Variants in EPB41L2 observed in about 807,000 individuals in gnomAD.
EPB41L2 encodes band 4.1-like protein 2.
EPB41L2 carries 43 observed loss-of-function variants against 113.0 expected under a neutral mutation model. The ratio of observed to expected loss-of-function variants is 0.38; its 90% CI spans 0.30 to 0.49. The LOEUF is 0.49. Ranked by LOEUF, EPB41L2 falls within the 20% of genes least tolerant of loss-of-function variation. The pLI, the probability that EPB41L2 is intolerant of heterozygous loss-of-function variation, is 0.95. For synonymous variants in EPB41L2, 442 were observed against 436.7 expected, an observed-to-expected ratio of 1.01 and a Z score of -0.15; for missense variants, 1,147 against 1,223.4, an observed-to-expected ratio of 0.94 and a Z score of 0.93.
intron 3 of EPB41L2, among the ~76,000 whole-genome samples, chr6:130,939,487 T>C (rs1368149453): frequency 6.6e-6 from 1 of 152,070 alleles, no homozygotes; most frequent in Non-Finnish European, 1.5e-5. Flanking sequence ...ACTCCTGACC[T>C]CGTGATCCGC....
In EPB41L2 at chr6:130,954,381, C is replaced by T. The variant is rs1467167932; in HGVS notation, c.705+724G>A. 1.1e-4 allele frequency among the ~76,000 whole-genome samples: 16 copies of T among 152,226 alleles called. No homozygotes were observed. In the East Asian group the frequency reaches 3.1e-3, roughly 29 times the overall value. ...AAACTTTGGGCAAGGAATTTAACTT[C>T]TCTAAGCCCTAAGTTCCCCGTTGTA... is the stretch of plus-strand genomic sequence containing the variant. On this transcript the variant is annotated intron_variant, in intron 3 of 19. Transcript: ENST00000337057.
intron 1 of EPB41L2, among the ~76,000 whole-genome samples, chr6:130,999,910 T>C (rs1467751120): frequency 6.6e-6 from 1 of 152,136 alleles, no homozygotes; most frequent in Non-Finnish European, 1.5e-5. Context: ...TGGCAAAAAA[T>C]AGTTGCCAGG....
At chr6:130,972,936 A>AC in intron 1 of EPB41L2, among the ~76,000 whole-genome samples, 1 of 82,032 alleles carries the variant, frequency 1.2e-5, no homozygotes, top group Non-Finnish European at 2.5e-5. Context: ...TACTAAAGAT[A>AC]CAAAAAAAAA....
intron 3 of EPB41L2, among the ~76,000 whole-genome samples, chr6:130,943,209 A>G (rs1443902494): frequency 6.6e-6 from 1 of 152,212 alleles, no homozygotes; most frequent in Non-Finnish European, 1.5e-5. Flanking sequence ...TCATGCTCCC[A>G]CCAACAGTGT....
intron 1 of EPB41L2, among the ~76,000 whole-genome samples, chr6:131,001,408 C>A (rs1046701365): frequency 6.6e-6 from 1 of 152,140 alleles, no homozygotes; most frequent in Non-Finnish European, 1.5e-5. Flanking sequence ...TTACATGGAA[C>A]AAACTTTTTG....
At chr6:130,929,856 G>GTC (rs1491229133) in intron 3 of EPB41L2, among the ~76,000 whole-genome samples, 1 of 56,624 alleles carries the variant, frequency 1.8e-5, no homozygotes, top group African/African-American at 7.2e-5. Context: ...AAGACAGACA[G>GTC]TCACACACAC....
intron 3 of EPB41L2, among the ~76,000 whole-genome samples, chr6:130,929,597 C>T (rs919477514): frequency 4.6e-5 from 7 of 151,952 alleles, no homozygotes; most frequent in African/African-American, 7.3e-5. Flanking sequence ...ATGATGAGCA[C>T]GACAAACATG....
intron 19 of EPB41L2, among the ~76,000 whole-genome samples, chr6:130,854,108 GT>G (rs879925350): frequency 4.6e-5 from 7 of 152,130 alleles, no homozygotes; most frequent in African/African-American, 1.7e-4. Flanking sequence ...AAGGAAATTG[GT>G]TAAATTTATG....
Position 130,900,580 on chromosome 6 carries a change from T to C in EPB41L2, c.1148+382A>G, listed in dbSNP as rs539440272. On this transcript the variant is annotated intron_variant, in intron 7 of 19. Transcript: ENST00000337057. ...AAATCCCAATGCCTCCTTATCTCCC[T>C]AGCTTTCTTACCACATATAGTAATA... Among the ~76,000 whole-genome samples, 676 of 152,288 alleles carry C rather than the reference T, an allele frequency of 4.4e-3. 15 individuals are homozygous for C. Among genetic ancestry groups the C allele is most frequent in the Non-Finnish European group, 8.5e-4 (58 of 68,012 alleles).
At chr6:130,886,540 C>T (rs1206870752) in intron 11 of EPB41L2, among the ~76,000 whole-genome samples, 2 of 152,156 alleles carry the variant, frequency 1.3e-5, no homozygotes, top group Admixed American at 6.5e-5. Flanking sequence ...AATACTCACA[C>T]TTTGAATGCC....
intron 19 of EPB41L2, among the ~76,000 whole-genome samples, chr6:130,857,469 A>G (rs1016179065): frequency 1.4e-5 from 2 of 147,936 alleles, no homozygotes; most frequent in African/African-American, 5.0e-5. Context: ...TTTTGTTTCT[A>G]TTGGCTTAAC....
At chr6:130,990,477 T>C (rs1335853230) in intron 1 of EPB41L2, among the ~76,000 whole-genome samples, 1 of 152,122 alleles carries the variant, frequency 6.6e-6, no homozygotes, top group East Asian at 1.9e-4. Context: ...TAAATGTAAA[T>C]GGTCTCAAGA....
At chr6:130,954,980 A>G in intron 3 of EPB41L2, 125 bp downstream of exon 3, 1 of 819,020 alleles carries the variant, frequency 1.2e-6, no homozygotes, top group East Asian at 2.4e-5. Context: ...ACTTCAATGT[A>G]TTTTTTTTAG....
At chr6:130,941,235 A>AT (rs1337405070) in intron 3 of EPB41L2, among the ~76,000 whole-genome samples, 1 of 152,162 alleles carries the variant, frequency 6.6e-6, no homozygotes, top group African/African-American at 2.4e-5. Flanking sequence ...CCTGTCATTA[A>AT]TTTTTTAAAA....
chr6:130,896,510 C>T (rs886305904), intron 8 of EPB41L2, among the ~76,000 whole-genome samples: 2 of 152,302 alleles, frequency 1.3e-5, no homozygotes, highest in South Asian at 2.1e-4. Flanking sequence ...AGGCAACCCG[C>T]ATTTGAAACA....
chr6:130,858,313 C>CA, intron 18 of EPB41L2, 70 bp from the exon 19 acceptor site: 1 of 1,224,490 alleles, frequency 8.2e-7, no homozygotes, highest in Non-Finnish European at 1.2e-6. Flanking sequence ...GCAAAACACA[C>CA]ACACACTGAT....
intron 1 of EPB41L2, among the ~76,000 whole-genome samples, chr6:131,061,591 T>C (rs1380957788): frequency 6.6e-6 from 1 of 152,116 alleles, no homozygotes; most frequent in Non-Finnish European, 1.5e-5. Context: ...GCAATGAGCC[T>C]GCAAAGGGAA....
intron 19 of EPB41L2, among the ~76,000 whole-genome samples, chr6:130,847,475 A>T (rs1481321636): frequency 7.0e-6 from 1 of 142,542 alleles, no homozygotes; most frequent in Non-Finnish European, 1.6e-5. Flanking sequence ...TGAAAGTATC[A>T]GGGACTAATT....
At chr6:130,852,408 C>G (rs914233488) in intron 19 of EPB41L2, among the ~76,000 whole-genome samples, 3 of 152,174 alleles carry the variant, frequency 2.0e-5, no homozygotes, top group Admixed American at 6.5e-5. Flanking sequence ...GACAGTTGGT[C>G]TCTCCGGCAG....
Sources: gnomAD v4.1 joint callset for allele counts (sites outside exome capture counted in the v4.1 genomes callset) on GRCh38, gnomAD v4.1.1 for gene constraint, MANE v1.5 for transcripts, NCBI Gene and HGNC (gene_info 2026-07-23, HGNC 2026-07-21) for gene names.